The following ADCY5 variants were observed in gnomAD, a reference collection of about 807,000 sequenced individuals.
The protein encoded by ADCY5 is adenylate cyclase 5.
A neutral mutation model predicts 119.7 loss-of-function variants in ADCY5; 30 were observed. The observed-to-expected ratio is 0.25, with a 90% CI of 0.19 to 0.34. The LOEUF is 0.34. ADCY5 is among the 10% of genes least tolerant of loss of function. ADCY5 has a pLI of 1.00. For synonymous variants in ADCY5, 753 were observed against 762.2 expected, an observed-to-expected ratio of 0.99 and a Z score of 0.20; for missense variants, 1,324 against 1,775.2, an observed-to-expected ratio of 0.75 and a Z score of 4.57.
intron 11 of ADCY5, among the ~76,000 whole-genome samples, chr3:123,317,033 ATGTG>A (rs35488886): frequency 8.6e-5 from 13 of 151,172 alleles, no homozygotes; most frequent in African/African-American, 1.7e-4. Flanking sequence ...ACGTATATGT[ATGTG>A]TGTGTGTGTG....
chr3:123,285,920 G>T (rs191080441), intron 20 of ADCY5, among the ~76,000 whole-genome samples: 11 of 152,312 alleles, frequency 7.2e-5, no homozygotes, highest in East Asian at 5.8e-4. Context: ...GAGGCCCTGT[G>T]GGGGAGAGAA....
chr3:123,441,149 A>T (rs535958807), intron 1 of ADCY5, among the ~76,000 whole-genome samples: 14 of 152,264 alleles, frequency 9.2e-5, no homozygotes, highest in Admixed American at 3.9e-4. Flanking sequence ...CAAACCTAAG[A>T]GCTGGTCATC....
Position 123,448,077 on chromosome 3 carries a change from C to A in ADCY5, c.469G>T (p.Glu157Ter). 8.1e-7 allele frequency: 1 copy of A among 1,229,330 alleles called. No homozygotes were observed. Among genetic ancestry groups the A allele is most frequent in the Non-Finnish European group, 1.0e-6 (1 of 983,102 alleles). The allele number at this position is 1,229,330 out of a possible 1,614,324, so 76.2% of individuals were successfully genotyped here. ...CCCCGCCGCTCCTCCAGACCCACCT[C>A]CACCGAGCGAGGGCGCACCTCCGTC... ...GGTEVRPRSV[E>*]VGLEERRGKG... The change falls in exon 1 of 21, where the codon GAG (glutamate) becomes TAG (stop). Residue 157 changes from glutamate (E) to a stop codon, truncating the protein, a stop_gained. Coordinates refer to ENST00000462833, the MANE Select transcript of ADCY5 (RefSeq NM_183357.3). LOFTEE classifies it high-confidence loss of function.
chr3:123,345,769 G>GACACAGAGACACACACAC (rs1942514556), intron 3 of ADCY5, among the ~76,000 whole-genome samples: 1 of 113,762 alleles, frequency 8.8e-6, no homozygotes, highest in African/African-American at 4.0e-5. Flanking sequence ...CAGACAGACA[G>GACACAGAGACACACACAC]ACACACACAC....
chr3:123,345,689 A>G (rs1457708172), intron 3 of ADCY5, among the ~76,000 whole-genome samples: 3 of 151,936 alleles, frequency 2.0e-5, no homozygotes, highest in Non-Finnish European at 2.9e-5. Context: ...AAGAACTGCC[A>G]TCAGACAGGA....
chr3:123,389,383 G>A (rs4678025), intron 1 of ADCY5, among the ~76,000 whole-genome samples: 72,512 of 151,812 alleles, frequency 0.48, 18,120 homozygotes, highest in East Asian at 0.68. Context: ...ACGCAGCTTC[G>A]AGACTTTCCT....
intron 1 of ADCY5, among the ~76,000 whole-genome samples, chr3:123,354,324 G>A (rs534874691): frequency 2.0e-5 from 3 of 152,208 alleles, no homozygotes; most frequent in Admixed American, 6.5e-5. Context: ...AATGGGAGAC[G>A]GGTCCAGATG....
chr3:123,386,993 A>T (rs953478163), intron 1 of ADCY5, among the ~76,000 whole-genome samples: 6 of 152,198 alleles, frequency 3.9e-5, no homozygotes, highest in Admixed American at 2.0e-4. Flanking sequence ...AAAGTGCTGG[A>T]CCTTCAAGGA....
At chr3:123,397,037 A>G (rs1420768982) in intron 1 of ADCY5, among the ~76,000 whole-genome samples, 1 of 152,130 alleles carries the variant, frequency 6.6e-6, no homozygotes, top group African/African-American at 2.4e-5. Context: ...CCCTGGCCCA[A>G]TAAGGATTTA....
intron 1 of ADCY5, among the ~76,000 whole-genome samples, chr3:123,354,730 T>C (rs2108505430): frequency 6.6e-6 from 1 of 152,302 alleles, no homozygotes; most frequent in Admixed American, 6.5e-5. Flanking sequence ...TCAGACAGGC[T>C]AGTGCATCAT....
chr3:123,371,171 C>T (rs1388139218), intron 1 of ADCY5, among the ~76,000 whole-genome samples: 4 of 152,160 alleles, frequency 2.6e-5, no homozygotes, highest in East Asian at 1.9e-4. Flanking sequence ...GTGGGGAAAA[C>T]GTGGGATCTG....
At chr3:123,436,454 C>T (rs1945619224) in intron 1 of ADCY5, among the ~76,000 whole-genome samples, 1 of 152,072 alleles carries the variant, frequency 6.6e-6, no homozygotes, top group Admixed American at 6.5e-5. Flanking sequence ...ACCTGTAATC[C>T]CAGTACTTTG....
At chr3:123,401,825 C>T (rs1475510177) in intron 1 of ADCY5, among the ~76,000 whole-genome samples, 1 of 152,114 alleles carries the variant, frequency 6.6e-6, no homozygotes, top group African/African-American at 2.4e-5. Context: ...CCTAAAAACC[C>T]GGCCTGTCTC....
Position 123,373,766 on chromosome 3 carries a change from C to G in ADCY5, c.1135-21185G>C, listed in dbSNP as rs190536598. Among the ~76,000 whole-genome samples the G allele has an allele frequency of 3.3e-4, 11 of 33,582 alleles. 1 individual carries two copies. Among genetic ancestry groups the G allele is most frequent in the Non-Finnish European group, 4.4e-4 (5 of 11,488 alleles). The allele number at this position is 33,582 out of a possible 152,430, so 22.0% of individuals were successfully genotyped here. A position where few individuals can be genotyped will look rare whatever the true frequency, so the allele number is the denominator to read the frequency against. ...CAGGCCAGAAGCATCACGCCCCCCCCCCCCCGACCCCCCCGCAGGTAGCAG... is the reference window on the plus strand; with the variant it reads ...CAGGCCAGAAGCATCACGCCCCCCCGCCCCCGACCCCCCCGCAGGTAGCAG... On this transcript the variant is annotated intron_variant, in intron 1 of 20. Transcript: ENST00000462833.
intron 14 of ADCY5, among the ~76,000 whole-genome samples, chr3:123,302,559 G>T (rs1042420647): frequency 4.6e-5 from 7 of 152,106 alleles, no homozygotes; most frequent in African/African-American, 1.7e-4. Flanking sequence ...GTGGGGTAGG[G>T]TCTGCTACAG....
chr3:123,382,109 C>T (rs1012739408), intron 1 of ADCY5, among the ~76,000 whole-genome samples: 5 of 152,176 alleles, frequency 3.3e-5, no homozygotes, highest in African/African-American at 1.2e-4. Flanking sequence ...CACATTCCCA[C>T]CCCAGGGCCT....
chr3:123,303,297 C>T (rs1939963777), intron 13 of ADCY5, 78 bp from the exon 14 acceptor site: 1 of 1,465,322 alleles, frequency 6.8e-7, no homozygotes, highest in East Asian at 2.4e-5. Context: ...CACCAGGCCG[C>T]AGGCTCCCGC....
At chr3:123,298,104 A>C (rs974388013) in intron 15 of ADCY5, among the ~76,000 whole-genome samples, 2 of 152,048 alleles carry the variant, frequency 1.3e-5, no homozygotes, top group Non-Finnish European at 2.9e-5. Flanking sequence ...GGTTCAAGCT[A>C]TTCTTGTACC....
chr3:123,285,343 T>C (rs527342232), intron 20 of ADCY5, among the ~76,000 whole-genome samples: 4 of 152,318 alleles, frequency 2.6e-5, no homozygotes, highest in Non-Finnish European at 5.9e-5. Flanking sequence ...CAGGTCTTGT[T>C]GTCTGGCTCT....
Sources: allele counts gnomAD v4.1 joint callset (sites outside exome capture counted in the v4.1 genomes callset), GRCh38; gene constraint gnomAD v4.1.1; transcripts MANE v1.5; gene names NCBI Gene and HGNC (gene_info 2026-07-23, HGNC 2026-07-21).